The following GRM1 variants were observed in gnomAD, a reference collection of about 807,000 sequenced individuals.
GRM1 encodes metabotropic glutamate receptor 1.
In GRM1, 33 loss-of-function variants were observed where a neutral mutation model predicts 90.9. That is an observed-to-expected ratio of 0.36 (90% confidence interval 0.28 to 0.49). The LOEUF (loss-of-function observed/expected upper bound fraction) is 0.49, where lower values mean the gene tolerates loss of function less well. GRM1 is among the 20% of genes least tolerant of loss of function. The pLI, the probability that GRM1 is intolerant of heterozygous loss-of-function variation, is 0.99. For synonymous variants in GRM1, 700 were observed against 613.2 expected, an observed-to-expected ratio of 1.14 and a Z score of -2.09; for missense variants, 1,190 against 1,534.3, an observed-to-expected ratio of 0.78 and a Z score of 3.75.
chr6:146,089,544 C>T (rs1428309108), intron 1 of GRM1, among the ~76,000 whole-genome samples: 2 of 152,060 alleles, frequency 1.3e-5, no homozygotes, highest in African/African-American at 4.8e-5. Flanking sequence ...AACTTCACCC[C>T]TACCCAGATT....
intron 1 of GRM1, among the ~76,000 whole-genome samples, chr6:146,057,654 T>G (rs556348553): frequency 1.3e-5 from 2 of 152,200 alleles, no homozygotes; most frequent in Admixed American, 1.3e-4. Flanking sequence ...CCTAAAGAAT[T>G]GCATAATTCT....
intron 1 of GRM1, among the ~76,000 whole-genome samples, chr6:146,079,176 A>G (rs1776283246): frequency 6.6e-6 from 1 of 152,216 alleles, no homozygotes; most frequent in South Asian, 2.1e-4. Flanking sequence ...GGCTGTCTCA[A>G]TACCATAATC....
intron 2 of GRM1, among the ~76,000 whole-genome samples, chr6:146,261,673 C>CTTA (rs530949349): frequency 2.6e-5 from 4 of 151,826 alleles, no homozygotes; most frequent in East Asian, 1.9e-4. Context: ...GCCTAACTGC[C>CTTA]TTATTATTAT....
intron 4 of GRM1, among the ~76,000 whole-genome samples, chr6:146,353,737 C>T (rs1442584500): frequency 6.6e-6 from 1 of 152,188 alleles, no homozygotes; most frequent in African/African-American, 2.4e-5. Context: ...TCAAGTGATT[C>T]CCCTGTCTCA....
At chr6:146,310,805 C>T (rs1420946385) in intron 3 of GRM1, among the ~76,000 whole-genome samples, 1 of 152,136 alleles carries the variant, frequency 6.6e-6, no homozygotes, top group Non-Finnish European at 1.5e-5. Flanking sequence ...CTAGATCAGC[C>T]AGTCCCTGGC....
At chr6:146,239,063 A>G (rs1780753985) in intron 2 of GRM1, among the ~76,000 whole-genome samples, 1 of 152,166 alleles carries the variant, frequency 6.6e-6, no homozygotes, top group South Asian at 2.1e-4. Flanking sequence ...GAACTAAAAT[A>G]TCATGCCATT....
chr6:146,047,681 C>G (rs1197172685), intron 1 of GRM1, among the ~76,000 whole-genome samples: 1 of 151,786 alleles, frequency 6.6e-6, no homozygotes, highest in Non-Finnish European at 1.5e-5. Flanking sequence ...GCACAGATAA[C>G]TTTGCTTCAC....
chr6:146,223,180 G>A (rs1780129618), intron 2 of GRM1, among the ~76,000 whole-genome samples: 1 of 151,918 alleles, frequency 6.6e-6, no homozygotes, highest in African/African-American at 2.4e-5. Context: ...TAGATCACCG[G>A]CGCTATTCAG....
chr6:146,029,740 G>C lies in GRM1; in HGVS notation c.223G>C (p.Gly75Arg). Residue 75 changes from glycine to arginine, a missense_variant, in exon 1 of 8, where the codon GGC becomes CGC. Physicochemically the swap from Gly to Arg is moderately radical, Grantham distance 125 (BLOSUM62 -2). This residue lies in a region of GRM1 where 25 missense variants were observed against 65.9 expected (regional missense o/e 0.38). Transcript: ENST00000282753. The part of the protein sequence containing the change: ...RKCGEIREQY[G>R]IQRVEAMFHT... ...GTGTGGGGAGATCAGGGAGCAGTAT[G>C]GCATCCAGAGGGTGGAGGCCATGTT... is the stretch of plus-strand genomic sequence containing the variant. The C allele has an allele frequency of 6.2e-7, 1 of 1,614,046 alleles. No individual in the cohort carries two copies.
chr6:146,102,879 T>C (rs1777097301), intron 1 of GRM1, among the ~76,000 whole-genome samples: 2 of 152,216 alleles, frequency 1.3e-5, no homozygotes. Context: ...GTTGAGATTT[T>C]TGCAATTTCT....
intron 2 of GRM1, among the ~76,000 whole-genome samples, chr6:146,285,818 CT>C (rs1394579836): frequency 1.3e-5 from 2 of 152,160 alleles, no homozygotes; most frequent in African/African-American, 4.8e-5. Context: ...GTTCGCTCCT[CT>C]GCTAGAATTT....
At chr6:146,271,413 A>G (rs924936176) in intron 2 of GRM1, among the ~76,000 whole-genome samples, 4 of 152,114 alleles carry the variant, frequency 2.6e-5, no homozygotes, top group Non-Finnish European at 2.9e-5. Flanking sequence ...GGGTTTTACT[A>G]TGGCTCAGGA....
At chr6:146,065,644 C>G (rs1003568697) in intron 1 of GRM1, among the ~76,000 whole-genome samples, 1 of 152,110 alleles carries the variant, frequency 6.6e-6, no homozygotes, top group Non-Finnish European at 1.5e-5. Context: ...AGCTGTTCAG[C>G]CCCGTAAACA....
At chr6:146,119,823 A>G (rs1256861074) in intron 1 of GRM1, among the ~76,000 whole-genome samples, 4 of 152,154 alleles carry the variant, frequency 2.6e-5, no homozygotes, top group South Asian at 2.1e-4. Context: ...TACCAGTACC[A>G]TGCTGTTTTG....
intron 5 of GRM1, among the ~76,000 whole-genome samples, chr6:146,382,495 A>G (rs1298857416): frequency 1.3e-5 from 2 of 152,132 alleles, no homozygotes; most frequent in African/African-American, 4.8e-5. Context: ...AATACTCACT[A>G]AAGCATGTGA....
Position 146,363,571 on chromosome 6 carries a change from G to T in GRM1, c.1602+5877G>T, listed in dbSNP as rs1193669800. On this transcript the variant is annotated intron_variant, in intron 5 of 7. Transcript: ENST00000282753. ...CTAGAACGTAATATAAAATCTATGT[G>T]TATGTGTCTATGTATGTGTATGTAT... Among the ~76,000 whole-genome samples the T allele has an allele frequency of 2.0e-5, 3 of 152,098 alleles. No homozygotes were observed. In the East Asian group the frequency reaches 5.8e-4, roughly 29 times the overall value.
intron 2 of GRM1, among the ~76,000 whole-genome samples, chr6:146,273,738 T>C (rs945156307): frequency 6.6e-6 from 1 of 152,228 alleles, no homozygotes. Flanking sequence ...TAAAGGAGGC[T>C]GCTAAGAGGT....
At chr6:146,047,328 C>T (rs1023057442) in intron 1 of GRM1, among the ~76,000 whole-genome samples, 3 of 151,848 alleles carry the variant, frequency 2.0e-5, no homozygotes, top group African/African-American at 7.3e-5. Context: ...TAGAAAGCGA[C>T]ACCTTTGCAA....
chr6:146,202,030 C>A (rs1409749923), intron 2 of GRM1, among the ~76,000 whole-genome samples: 1 of 152,112 alleles, frequency 6.6e-6, no homozygotes, highest in Non-Finnish European at 1.5e-5. Context: ...GCTGGTGCAA[C>A]GTAACTTGGA....
Sources: gnomAD v4.1 joint callset for allele counts (sites outside exome capture counted in the v4.1 genomes callset) on GRCh38, gnomAD v4.1.1 for gene constraint, gnomAD v4.1.1 regional missense constraint, MANE v1.5 for transcripts, NCBI Gene and HGNC (gene_info 2026-07-23, HGNC 2026-07-21) for gene names.